RINT1: variants seen among roughly 807,000 people sequenced by gnomAD.
The protein encoded by RINT1 is RAD50 interactor 1.
RINT1 carries 75 observed loss-of-function variants against 97.7 expected under a neutral mutation model. The observed-to-expected ratio is 0.77, with a 90% CI of 0.64 to 0.93. RINT1 has a LOEUF of 0.93. Among genes scored for constraint, RINT1 ranks in the 40% least tolerant of loss-of-function variants. The pLI is 0.00. For missense variants in RINT1, 892 were observed against 925.2 expected (o/e 0.96, Z 0.47); for synonymous variants, 303 against 326.3 (o/e 0.93, Z 0.77).
chr7:105,535,540 C>A (rs1297792390), intron 2 of RINT1: 1 of 450,478 alleles, frequency 2.2e-6, no homozygotes, highest in Non-Finnish European at 4.4e-6. Flanking sequence ...ACCTTTTTTA[C>A]TTTTTTGTTT....
In RINT1 at chr7:105,542,287, A is replaced by G. The variant is rs994001981; in HGVS notation, c.274-121A>G. On this transcript the variant is annotated intron_variant, in intron 3 of 14. Coordinates refer to ENST00000257700, the MANE Select transcript of RINT1 (RefSeq NM_021930.6). The stretch of plus-strand genomic sequence containing the variant: ...GAAGTCCAGGCTGCAGTGAGCTATG[A>G]TGGTACCACTGCACTCCAGCCTGGG... The G allele has an allele frequency of 8.5e-6, 6 of 707,658 alleles. No individual in the cohort carries two copies. The African/African-American group carries it at 1.1e-4, about 13-fold the overall frequency. The allele number at this position is 707,658 out of a possible 1,614,324, so 43.8% of individuals were successfully genotyped here. A position where few individuals can be genotyped will look rare whatever the true frequency, so the allele number is the denominator to read the frequency against.
intron 1 of RINT1, 99 bp downstream of exon 1, chr7:105,532,456 G>A (rs1790073146): frequency 3.8e-6 from 5 of 1,331,170 alleles, no homozygotes; most frequent in Non-Finnish European, 5.2e-6. Flanking sequence ...GGCCCTGTAA[G>A]CTTGTGAAGG....
chr7:105,563,780 T>G lies in RINT1; in HGVS notation c.1719T>G (p.Asn573Lys). 3 of 1,614,222 alleles carry G rather than the reference T, an allele frequency of 1.9e-6. No homozygotes were observed. Among genetic ancestry groups the G allele is most frequent in the Middle Eastern group, 3.3e-4 (2 of 6,062 alleles). The change falls in exon 12 of 15, where the codon AAT becomes AAG. Residue 573 changes from asparagine (N) to lysine (K), a missense_variant. Asn to Lys is a moderately conservative substitution (Grantham distance 94). Transcript: ENST00000257700. ...CTGCACTGGAGGTGTTTGCAGAGAA[T>G]AATACTCTGAGTAAATTGCAGCTAG... Reference protein sequence around the residue: ...QQAALEVFAENNTLSKLQLGQ... With the variant: ...QQAALEVFAEKNTLSKLQLGQ...
chr7:105,548,264 G>A (rs534503776), intron 6 of RINT1, among the ~76,000 whole-genome samples: 7 of 151,638 alleles, frequency 4.6e-5, no homozygotes, highest in African/African-American at 1.7e-4. Flanking sequence ...CCTGTGAAGT[G>A]GCCCAAGTGA....
At chr7:105,557,496 T>C (rs1791233765) in intron 11 of RINT1, among the ~76,000 whole-genome samples, 1 of 152,262 alleles carries the variant, frequency 6.6e-6, no homozygotes. Flanking sequence ...AAATGAAATA[T>C]ATTCAAACAT....
rs567999764 is a variant in RINT1 at position 105,553,280 on chromosome 7, C to T, written c.1471+1573C>T. Among the ~76,000 whole-genome samples the T allele has an allele frequency of 1.2e-4, 18 of 151,952 alleles. No individual in the cohort carries two copies. In the South Asian group the frequency reaches 3.3e-3, roughly 28 times the overall value. On this transcript the variant is annotated intron_variant, in intron 10 of 14. Transcript: ENST00000257700. ...CGCTCTTGTCACCCAGGCTGGAGTG[C>T]AATGGCGCAATCTCGGCTTACTGCA...
chr7:105,559,414 G>A (rs576840149), intron 11 of RINT1, among the ~76,000 whole-genome samples: 15 of 152,054 alleles, frequency 9.9e-5, no homozygotes, highest in South Asian at 6.2e-4. Context: ...GGTGGTGGGC[G>A]CCTGTAGTCC....
chr7:105,544,284 A>G (rs1296201573), intron 4 of RINT1, among the ~76,000 whole-genome samples: 1 of 152,144 alleles, frequency 6.6e-6, no homozygotes, highest in Non-Finnish European at 1.5e-5. Context: ...GTAAGGGGCA[A>G]TGTTAATAAC....
chr7:105,533,805 T>C (rs1054227317), intron 2 of RINT1, among the ~76,000 whole-genome samples: 5 of 152,182 alleles, frequency 3.3e-5, no homozygotes, highest in African/African-American at 4.8e-5. Context: ...ATTTTCCACC[T>C]TTGCCTCATT....
rs895052984 is a variant in RINT1 at position 105,567,190 on chromosome 7, C to T, written c.2258C>T (p.Ser753Leu). Residue 753 changes from serine (S) to leucine (L), a missense_variant, in exon 15 of 15, where the codon TCA (serine) becomes TTA (leucine). Coordinates refer to ENST00000257700, the MANE Select transcript of RINT1 (RefSeq NM_021930.6). The stretch of plus-strand genomic sequence containing the variant: ...CTACTGCTGAAAGATGTACTGCAGT[C>T]AGCTTCAGGGCAGCTTCCTGCCACA... ...SALLLKDVLQ[S>L]ASGQLPATAA... The T allele has an allele frequency of 6.2e-7, 1 of 1,611,374 alleles. No homozygotes were observed. Among genetic ancestry groups the T allele is most frequent in the African/African-American group, 1.3e-5 (1 of 74,896 alleles).
chr7:105,550,520 A>T (rs1790885250), intron 9 of RINT1, 34 bp downstream of exon 9: 1 of 1,461,558 alleles, frequency 6.8e-7, no homozygotes, highest in Non-Finnish European at 9.6e-7. Flanking sequence ...GTAGGGAGAT[A>T]TGTCTGTTTC....
Position 105,564,010 on chromosome 7 carries a change from C to A in RINT1, c.1886+63C>A. ...TGGTAAAAGTTAAAGAATATGTGGT[C>A]AGATTTTCAAGGTGTCTAGATAGAA... On this transcript the variant is annotated intron_variant, in intron 12 of 14. Transcript: ENST00000257700. The A allele has an allele frequency of 3.2e-6, 4 of 1,234,154 alleles. No homozygotes were observed. In the South Asian group the frequency reaches 3.9e-5, roughly 12 times the overall value. The allele number at this position is 1,234,154 out of a possible 1,614,324, so 76.5% of individuals were successfully genotyped here.
rs377098301 is a variant in RINT1, at chr7:105,558,251, C to T, written c.1671+3024C>T. Among the ~76,000 whole-genome samples, 14 of 150,104 alleles carry T rather than the reference C, an allele frequency of 9.3e-5. 1 individual carries two copies. The South Asian group carries it at 1.3e-3, about 13-fold the overall frequency. On this transcript the variant is annotated intron_variant, in intron 11 of 14. Coordinates refer to ENST00000257700, the MANE Select transcript of RINT1 (RefSeq NM_021930.6). ...CAGAGGTTGCAGTGAGCTGAGAATA[C>T]GCCATTGCACTCCAGCCTGGGCAGC...
At position 105,567,288 on chromosome 7, in the gene RINT1, A is replaced by G. The variant is rs1791808390; in HGVS notation, c.2356A>G (p.Asn786Asp). Residue 786 changes from asparagine (N) to aspartate (D), a missense_variant, in exon 15 of 15, where the codon AAT becomes GAT. Asn to Asp is a conservative substitution (Grantham distance 23). Transcript: ENST00000257700. ...DVEILLNLRT[N>D]WPNTGK ...TGAGATTCTACTTAATTTGAGGACAAATTGGCCTAATACTGGAAAATAATG... is the reference window on the plus strand; with the variant it reads ...TGAGATTCTACTTAATTTGAGGACAGATTGGCCTAATACTGGAAAATAATG... The G allele has an allele frequency of 6.2e-7, 1 of 1,606,000 alleles. No individual in the cohort carries two copies. Among genetic ancestry groups the G allele is most frequent in the South Asian group, 1.1e-5 (1 of 88,832 alleles).
At chr7:105,534,557 T>C (rs1252059011) in intron 2 of RINT1, among the ~76,000 whole-genome samples, 1 of 149,326 alleles carries the variant, frequency 6.7e-6, no homozygotes, top group Non-Finnish European at 1.5e-5. Flanking sequence ...GTTAATATTA[T>C]ATATAATTAT....
chr7:105,560,047 G>A (rs1791371053), intron 11 of RINT1, among the ~76,000 whole-genome samples: 2 of 152,192 alleles, frequency 1.3e-5, no homozygotes, highest in African/African-American at 4.8e-5. Context: ...GATATGGGAG[G>A]TGAGGATTTT....
intron 7 of RINT1, among the ~76,000 whole-genome samples, 181 bp downstream of exon 7, chr7:105,548,891 T>C (rs73192134): frequency 0.13 from 20,296 of 152,236 alleles, 1,738 homozygotes; most frequent in South Asian, 0.24. Flanking sequence ...GTTCATATAC[T>C]GTAGGAAAAA....
intron 10 of RINT1, among the ~76,000 whole-genome samples, chr7:105,554,422 CTG>C (rs148943892): frequency 0.13 from 19,414 of 150,772 alleles, 1,595 homozygotes; most frequent in South Asian, 0.23. Flanking sequence ...GTTGAAGAAA[CTG>C]TCATTTTTTT....
intron 14 of RINT1, chr7:105,566,767 G>A (rs1791769576): frequency 6.3e-6 from 1 of 157,746 alleles, no homozygotes; most frequent in Non-Finnish European, 1.4e-5. Flanking sequence ...TTATTTTAAT[G>A]TTCTTTCTGC....
Sources: allele counts gnomAD v4.1 joint callset (sites outside exome capture counted in the v4.1 genomes callset), GRCh38; gene constraint gnomAD v4.1.1; transcripts MANE v1.5; gene names NCBI Gene and HGNC (gene_info 2026-07-23, HGNC 2026-07-21).